CPLANE2: variants seen among roughly 807,000 people sequenced by gnomAD.
The protein encoded by CPLANE2 is ciliogenesis and planar polarity effector complex subunit 2, also known as ciliogenesis and planar polarity effector 2.
Under a neutral mutation model 20.9 loss-of-function variants are expected in CPLANE2, and 24 were observed. That is an observed-to-expected ratio of 1.15 (90% CI 0.83 to 1.61). The LOEUF (loss-of-function observed/expected upper bound fraction) is 1.61. Among genes scored for constraint, CPLANE2 ranks in the 40% most tolerant of loss-of-function variants. The probability of loss-of-function intolerance (pLI) is 0.00; values close to 1 mark genes in which losing one functional copy is unlikely to be tolerated. For synonymous variants in CPLANE2, 132 were observed against 144.3 expected, an observed-to-expected ratio of 0.92 and a Z score of 0.61; for missense variants, 330 against 355.1, an observed-to-expected ratio of 0.93 and a Z score of 0.57.
At chr1:16,233,995 T>C (rs1191570201) in intron 1 of CPLANE2, among the ~76,000 whole-genome samples, 1 of 152,234 alleles carries the variant, frequency 6.6e-6, no homozygotes, top group African/African-American at 2.4e-5. Flanking sequence ...CCCTTCTGCC[T>C]TCTGCCACGG....
In CPLANE2 at chr1:16,232,215, C is replaced by T. The variant is rs756469699; in HGVS notation, c.610G>A (p.Val204Met). The T allele has an allele frequency of 6.2e-7, 1 of 1,612,528 alleles. No individual in the cohort carries two copies. The highest frequency in any genetic ancestry group is 1.1e-5 in the South Asian group (1 of 91,038). The stretch of plus-strand genomic sequence containing the variant: ...AGCCGCCGCCCCGGCACACTCTTCA[C>T]CCGTAGCAGGGGCAGCTCCCAGGCC... ...RQAWELPLLR[V>M]KSVPGRRLAD... Residue 204 changes from valine (V) to methionine (M), a missense_variant, in exon 5 of 5, where the codon GTG (valine) becomes ATG (methionine). Transcript: ENST00000375599.
intron 1 of CPLANE2, among the ~76,000 whole-genome samples, chr1:16,236,094 C>T (rs990870386): frequency 6.6e-6 from 1 of 152,236 alleles, no homozygotes; most frequent in Non-Finnish European, 1.5e-5. Context: ...TCTTCTGGCA[C>T]CTTGCTTCTC....
rs1557558904 is a variant in CPLANE2 at position 16,233,751 on chromosome 1, C to T, written c.126G>A (p.Arg42=). The change falls in exon 2 of 5, where the codon CGG becomes CGA. Residue 42 remains arginine (R), a synonymous_variant. Transcript: ENST00000375599. The part of the protein sequence containing the change: ...NRRRVFGLLE[R]PVLLPPVSID... ...TGGACACAGGCGGCAGCAGCACTGG[C>T]CGCTCAAGCAGCCCTAGGGCAAAGA... 5 of 1,613,972 alleles carry T rather than the reference C, an allele frequency of 3.1e-6. No individual in the cohort carries two copies. In the Admixed American group the frequency reaches 6.7e-5, roughly 22 times the overall value.
At chr1:16,235,827 C>A (rs1369585748) in intron 1 of CPLANE2, among the ~76,000 whole-genome samples, 1 of 151,804 alleles carries the variant, frequency 6.6e-6, no homozygotes, top group East Asian at 1.9e-4. Flanking sequence ...ATTACAGGTG[C>A]CCGCCACCAC....
chr1:16,236,283 A>G (rs1344149172), intron 1 of CPLANE2, among the ~76,000 whole-genome samples: 9 of 152,210 alleles, frequency 5.9e-5, no homozygotes, highest in Non-Finnish European at 1.5e-5. Context: ...AGTCTGTACC[A>G]TGTGCTGTTG....
In CPLANE2 at chr1:16,232,948, A is replaced by G; in HGVS notation, c.335T>C (p.Phe112Ser). The change falls in exon 3 of 5, where the codon TTT (phenylalanine) becomes TCT (serine). Residue 112 changes from phenylalanine to serine, a missense_variant. Physicochemically the swap from Phe to Ser is radical, Grantham distance 155. Coordinates refer to ENST00000375599, the MANE Select transcript of CPLANE2 (RefSeq NM_030907.4). Reference protein sequence around the residue: ...QASSRVVMFRFEFWDCGESAL... With the variant: ...QASSRVVMFRSEFWDCGESAL... ...AGACTCTCCACAGTCCCAGAACTCA[A>G]AACGAAACATGACGACACGGCTGCT... The G allele has an allele frequency of 6.2e-7, 1 of 1,614,194 alleles. No homozygotes were observed.
At position 16,232,020 on chromosome 1, in the gene CPLANE2, G is replaced by A. The variant is rs758777004; in HGVS notation, c.*28C>T. 6.2e-7 allele frequency: 1 copy of A among 1,601,664 alleles called. No individual in the cohort carries two copies. The highest frequency in any genetic ancestry group is 8.5e-7 in the Non-Finnish European group (1 of 1,172,546). On this transcript the variant is annotated 3_prime_UTR_variant, in exon 5 of 5. Coordinates refer to ENST00000375599, the MANE Select transcript of CPLANE2 (RefSeq NM_030907.4). The stretch of plus-strand genomic sequence containing the variant: ...CCTATGTCGAGACCTGAGGGTTGGG[G>A]GTGGGATCACAGGCAACCACTCGTG...
intron 4 of CPLANE2, 29 bp from the exon 5 acceptor site, chr1:16,232,326 G>A (rs1407137382): frequency 1.3e-6 from 2 of 1,586,190 alleles, no homozygotes; most frequent in Admixed American, 1.8e-5. Flanking sequence ...GCCTAACTGG[G>A]TGCCTCTGCA....
intron 2 of CPLANE2, 47 bp downstream of exon 2, chr1:16,233,565 C>A (rs372583145): frequency 1.2e-6 from 2 of 1,607,094 alleles, no homozygotes; most frequent in Non-Finnish European, 1.7e-6. Context: ...GCCTCCACCC[C>A]CAAGGAGGGC....
At chr1:16,235,157 A>T (rs1194791227) in intron 1 of CPLANE2, among the ~76,000 whole-genome samples, 3 of 152,214 alleles carry the variant, frequency 2.0e-5, no homozygotes, top group African/African-American at 7.2e-5. Flanking sequence ...GGCCTGCATG[A>T]CAACCACTGA....
At chr1:16,235,296 T>C (rs1475204672) in intron 1 of CPLANE2, among the ~76,000 whole-genome samples, 1 of 152,214 alleles carries the variant, frequency 6.6e-6, no homozygotes, top group East Asian at 1.9e-4. Context: ...ATCCTATCTG[T>C]GGCATAGATA....
chr1:16,235,677 CTT>C (rs34360746), intron 1 of CPLANE2, among the ~76,000 whole-genome samples: 10,537 of 116,874 alleles, frequency 0.09, 368 homozygotes, highest in Non-Finnish European at 0.12. Context: ...ATTAGAGGGT[CTT>C]TTTTTTTTTT....
In CPLANE2 at chr1:16,232,535, C is replaced by T. The variant is rs1406752292; in HGVS notation, c.502G>A (p.Val168Ile). Residue 168 changes from valine to isoleucine, a missense_variant, in exon 4 of 5, where the codon GTC (valine) becomes ATC (isoleucine). Val to Ile is a conservative substitution (Grantham distance 29, BLOSUM62 3). Transcript: ENST00000375599. ...LARIAGEAPG[V>I]VRMVIGSKFD... Reference sequence around the variant, plus strand: ...TTGGAGCCGATGACCATCCTGACGACACCAGGGGCCTCACCTGCTATGCGG... The same window carrying T: ...TTGGAGCCGATGACCATCCTGACGATACCAGGGGCCTCACCTGCTATGCGG... The T allele has an allele frequency of 1.9e-6, 3 of 1,613,986 alleles. No homozygotes were observed. In the Admixed American group the frequency reaches 5.0e-5, roughly 27 times the overall value.
rs138803019 is a variant in CPLANE2 at position 16,233,732 on chromosome 1, C to T, written c.145G>A (p.Val49Met). The change falls in exon 2 of 5, where the codon GTG becomes ATG. Residue 49 changes from valine (V) to methionine (M), a missense_variant. Val to Met is a conservative substitution (Grantham distance 21). Transcript: ENST00000375599. The stretch of plus-strand genomic sequence containing the variant: ...TTGTAGCTGGCAGTGTCAATGGACA[C>T]AGGCGGCAGCAGCACTGGCCGCTCA... ...LLERPVLLPP[V>M]SIDTASYKIF... 1.2e-6 allele frequency: 2 copies of T among 1,613,998 alleles called. No homozygotes were observed. The highest frequency in any genetic ancestry group is 2.2e-5 in the East Asian group (1 of 44,888).
At position 16,233,023 on chromosome 1, in the gene CPLANE2, G is replaced by C. The variant is rs1323506091; in HGVS notation, c.266-6C>G. 1.2e-5 allele frequency: 20 copies of C among 1,613,970 alleles called. No homozygotes were observed. Among genetic ancestry groups the C allele is most frequent in the Non-Finnish European group, 1.7e-5 (20 of 1,179,986 alleles). ...TACCACGGTGGTCTGGATGCCTGAG[G>C]GGGAGCCAGGGTCAGCCACTCACCA... On this transcript the variant is annotated splice_region_variant and splice_polypyrimidine_tract_variant and intron_variant, in intron 2 of 4. Coordinates refer to ENST00000375599, the MANE Select transcript of CPLANE2 (RefSeq NM_030907.4).
chr1:16,233,712 G>T lies in CPLANE2; in HGVS notation c.165C>A (p.Ser55Arg). 2 of 1,614,194 alleles carry T rather than the reference G, an allele frequency of 1.2e-6. No individual in the cohort carries two copies. The highest frequency in any genetic ancestry group is 4.5e-5 in the East Asian group (2 of 44,882). Residue 55 changes from serine (S) to arginine (R), a missense_variant, in exon 2 of 5, where the codon AGC becomes AGA. Transcript: ENST00000375599. ...TCTTCCCGGACACAAAGATCTTGTA[G>T]CTGGCAGTGTCAATGGACACAGGCG... Reference protein sequence around the residue: ...LLPPVSIDTASYKIFVSGKSG... With the variant: ...LLPPVSIDTARYKIFVSGKSG...
chr1:16,232,933 C>G lies in CPLANE2; in HGVS notation c.350G>C (p.Cys117Ser). Residue 117 changes from cysteine to serine, a missense_variant, in exon 3 of 5, where the codon TGT becomes TCT. Coordinates refer to ENST00000375599, the MANE Select transcript of CPLANE2 (RefSeq NM_030907.4). ...GAACTTTTTGAGTGCAGACTCTCCA[C>G]AGTCCCAGAACTCAAAACGAAACAT... ...VVMFRFEFWD[C>S]GESALKKFDH... is the part of the protein sequence containing the mutation. 6.2e-7 allele frequency: 1 copy of G among 1,614,222 alleles called. No individual in the cohort carries two copies. Among genetic ancestry groups the G allele is most frequent in the Non-Finnish European group, 8.5e-7 (1 of 1,180,042 alleles).
Position 16,232,518 on chromosome 1 carries a change from G to A in CPLANE2, c.519C>T (p.Ile173=), listed in dbSNP as rs780872322. 3.2e-5 allele frequency: 52 copies of A among 1,613,706 alleles called. No homozygotes were observed. Among genetic ancestry groups the A allele is most frequent in the East Asian group, 8.9e-5 (4 of 44,892 alleles). ...GGATATCCAAAGGATACTTGGAGCC[G>A]ATGACCATCCTGACGACACCAGGGG... The part of the protein sequence containing the change: ...GEAPGVVRMV[I]GSKFDQYMHT... Residue 173 remains isoleucine, a synonymous_variant, in exon 4 of 5, where the codon ATC becomes ATT. Coordinates refer to ENST00000375599, the MANE Select transcript of CPLANE2 (RefSeq NM_030907.4).
Position 16,232,559 on chromosome 1 carries a change from G to A in CPLANE2, c.478C>T (p.Arg160Cys), listed in dbSNP as rs760031358. ...SFEDLPGQLARIAGEAPGVVR... is the reference protein window; with the variant it reads ...SFEDLPGQLACIAGEAPGVVR... ...ACACCAGGGGCCTCACCTGCTATGC[G>A]GGCCAGCTGTCCAGGGAGGTCTTCA... The change falls in exon 4 of 5, where the codon CGC becomes TGC. Residue 160 changes from arginine (R) to cysteine (C), a missense_variant. Physicochemically the swap from Arg to Cys is radical, Grantham distance 180. Transcript: ENST00000375599. 41 of 1,614,014 alleles carry A rather than the reference G, an allele frequency of 2.5e-5. No homozygotes were observed. Among genetic ancestry groups the A allele is most frequent in the Admixed American group, 1.5e-4 (9 of 60,000 alleles).
Sources: gnomAD v4.1 joint callset for allele counts (sites outside exome capture counted in the v4.1 genomes callset) on GRCh38, gnomAD v4.1.1 for gene constraint, MANE v1.5 for transcripts, NCBI Gene and HGNC (gene_info 2026-07-23, HGNC 2026-07-21) for gene names.